The following PRSS23 variants were observed in gnomAD, a reference collection of about 807,000 sequenced individuals.
PRSS23 encodes the protein protease, serine 23.
Under a neutral mutation model 34.7 loss-of-function variants are expected in PRSS23, and 25 were observed. The ratio of observed to expected loss-of-function variants is 0.72; its 90% CI spans 0.53 to 1.01. PRSS23 has a LOEUF of 1.01. Among genes scored for constraint, PRSS23 ranks in the 50% least tolerant of loss-of-function variants. The pLI is 0.00. For synonymous variants in PRSS23, 176 were observed against 186.6 expected (o/e 0.94, Z 0.46); for missense variants, 445 against 475.6 (o/e 0.94, Z 0.60).
intron 2 of PRSS23, among the ~76,000 whole-genome samples, chr11:86,892,811 G>T (rs905283709): frequency 6.6e-6 from 1 of 152,062 alleles, no homozygotes; most frequent in East Asian, 1.9e-4. Flanking sequence ...GGTACTAGGG[G>T]TCTTCTAGTC....
chr11:86,823,221 G>C (rs1277530298), intron 1 of PRSS23: 1 of 606,168 alleles, frequency 1.6e-6, no homozygotes, highest in Non-Finnish European at 2.9e-6. Flanking sequence ...TTTTACTTTA[G>C]TATTCCTAAT....
intron 2 of PRSS23, among the ~76,000 whole-genome samples, chr11:86,919,059 C>T (rs1320980913): frequency 3.9e-5 from 6 of 152,136 alleles, no homozygotes; most frequent in Non-Finnish European, 8.8e-5. Context: ...TCCACTGCCT[C>T]GCAGTTTCCA....
intron 2 of PRSS23, among the ~76,000 whole-genome samples, chr11:86,927,535 C>G (rs998789427): frequency 6.6e-6 from 1 of 151,950 alleles, no homozygotes. Context: ...AAAAATGAGA[C>G]GGGGTATCAC....
At chr11:86,796,928 C>T (rs1055078059), upstream of PRSS23, among the ~76,000 whole-genome samples, 2 of 152,198 alleles carry the variant, frequency 1.3e-5, no homozygotes, top group African/African-American at 2.4e-5. Context: ...TAATGATTCC[C>T]TCTTCCATGT....
chr11:86,816,446 T>G (rs921752238), intron 1 of PRSS23, among the ~76,000 whole-genome samples: 1 of 152,200 alleles, frequency 6.6e-6, no homozygotes, highest in African/African-American at 2.4e-5. Context: ...ACAATGGAAT[T>G]GCCACTTTGT....
intron 2 of PRSS23, among the ~76,000 whole-genome samples, chr11:86,925,272 T>C (rs1949073244): frequency 6.6e-6 from 1 of 151,208 alleles, no homozygotes; most frequent in Non-Finnish European, 1.5e-5. Context: ...GAAAACTGCA[T>C]TGAAAATTAA....
chr11:86,916,689 G>A (rs1423626354), intron 2 of PRSS23, among the ~76,000 whole-genome samples: 1 of 152,040 alleles, frequency 6.6e-6, no homozygotes, highest in African/African-American at 2.4e-5. Context: ...GAGAAGAGGT[G>A]CCCCCACTCA....
At chr11:86,819,846 C>T (rs918235326) in intron 1 of PRSS23, among the ~76,000 whole-genome samples, 1 of 152,174 alleles carries the variant, frequency 6.6e-6, no homozygotes, top group African/African-American at 2.4e-5. Flanking sequence ...TCAAAAGTTG[C>T]ATTTAAGTAC....
At chr11:86,869,862 A>G (rs1039423152) in intron 2 of PRSS23, among the ~76,000 whole-genome samples, 1 of 152,216 alleles carries the variant, frequency 6.6e-6, no homozygotes, top group African/African-American at 2.4e-5. Flanking sequence ...CATATCTTTC[A>G]GAGCCCAACA....
chr11:86,862,973 G>A (rs1032283657), intron 2 of PRSS23, among the ~76,000 whole-genome samples: 2 of 151,978 alleles, frequency 1.3e-5, no homozygotes, highest in African/African-American at 4.8e-5. Flanking sequence ...ATATCACTGT[G>A]CATGTATACT....
At chr11:86,897,115 G>C (rs1290497703) in intron 2 of PRSS23, among the ~76,000 whole-genome samples, 1 of 152,208 alleles carries the variant, frequency 6.6e-6, no homozygotes, top group Non-Finnish European at 1.5e-5. Flanking sequence ...TATGTAGAGA[G>C]ACCTGAATTG....
intron 2 of PRSS23, among the ~76,000 whole-genome samples, chr11:86,912,676 T>G (rs1948985456): frequency 6.6e-6 from 1 of 152,210 alleles, no homozygotes; most frequent in African/African-American, 2.4e-5. Flanking sequence ...ATTTGTTAAT[T>G]CATTATAAGT....
intron 2 of PRSS23, chr11:86,911,363 G>A (rs1948975940): frequency 6.6e-6 from 1 of 152,024 alleles, no homozygotes; most frequent in Non-Finnish European, 1.5e-5. Flanking sequence ...TTTGTTACGT[G>A]AGTATATTGC....
Position 86,844,456 on chromosome 11 carries a change from A to G in PRSS23, c.206+20863A>G, listed in dbSNP as rs183502173. Among the ~76,000 whole-genome samples the G allele has an allele frequency of 3.0e-4, 45 of 152,256 alleles. No homozygotes were observed. The Middle Eastern group carries it at 0.017, about 58-fold the overall frequency. On this transcript the variant is annotated intron_variant, in intron 2 of 2. Transcript: ENST00000533902. ...CCATAGGCCATCACTTACTACACCA[A>G]TGTCCACAGTGTGCAATACAGCTGT...
intron 2 of PRSS23, among the ~76,000 whole-genome samples, chr11:86,830,461 C>T (rs1026220074): frequency 4.6e-5 from 7 of 152,308 alleles, no homozygotes; most frequent in South Asian, 2.1e-4. Context: ...GGCAGTGCCT[C>T]GCCCTGCTTC....
intron 2 of PRSS23, chr11:86,911,543 T>G (rs1343249485): frequency 2.0e-5 from 3 of 152,184 alleles, no homozygotes; most frequent in Non-Finnish European, 1.5e-5. Context: ...ACCCATTGAT[T>G]AGCTTCCACT....
exon 3 of PRSS23, chr11:86,951,286 A>C: frequency 1.2e-6 from 2 of 1,614,194 alleles, no homozygotes; most frequent in South Asian, 2.2e-5. Context: ...ACATGCCTGA[A>C]GTGATGCCCA....
At chr11:86,908,645 C>A (rs1036463720) in intron 2 of PRSS23, among the ~76,000 whole-genome samples, 1 of 151,852 alleles carries the variant, frequency 6.6e-6, no homozygotes, top group East Asian at 1.9e-4. Context: ...AGAAACTTTG[C>A]GGTCCATATA....
chr11:86,821,347 G>C (rs957538313), intron 1 of PRSS23: 37 of 790,178 alleles, frequency 4.7e-5, no homozygotes, highest in Non-Finnish European at 7.4e-5. Context: ...AACTCCTAAG[G>C]TATAGTGATC....
Sources: allele counts gnomAD v4.1 joint callset (sites outside exome capture counted in the v4.1 genomes callset), GRCh38; gene constraint gnomAD v4.1.1; transcripts MANE v1.5; gene names NCBI Gene and HGNC (gene_info 2026-07-23, HGNC 2026-07-21).